The following HIF3A variants were observed in gnomAD, a reference collection of about 807,000 sequenced individuals.
HIF3A encodes the protein hypoxia-inducible factor 3-alpha.
HIF3A carries 41 observed loss-of-function variants against 67.2 expected under a neutral mutation model. The observed-to-expected ratio is 0.61, with a 90% CI of 0.48 to 0.79. HIF3A has a LOEUF of 0.79. HIF3A is among the 30% of genes least tolerant of loss of function. The pLI, the probability that HIF3A is intolerant of heterozygous loss-of-function variation, is 0.00. For missense variants in HIF3A, 855 were observed against 898.0 expected (o/e 0.95, Z 0.61); for synonymous variants, 356 against 374.8 (o/e 0.95, Z 0.58).
At chr19:46,309,077 A>C in intron 5 of HIF3A, 74 bp from the exon 6 acceptor site, 1 of 1,263,578 alleles carries the variant, frequency 7.9e-7, no homozygotes, top group African/African-American at 1.5e-5. Context: ...GGCCCTCAGG[A>C]CGCATCTTCC....
chr19:46,315,095 GA>G (rs1172429650), intron 8 of HIF3A, among the ~76,000 whole-genome samples: 5 of 68,716 alleles, frequency 7.3e-5, no homozygotes, highest in South Asian at 1.1e-3. Context: ...TTTTGAGACA[GA>G]GTCTCATTCT....
At chr19:46,339,158 C>T (rs1161312658) in intron 14 of HIF3A, among the ~76,000 whole-genome samples, 1 of 152,122 alleles carries the variant, frequency 6.6e-6, no homozygotes, top group Non-Finnish European at 1.5e-5. Flanking sequence ...TCATCACAGA[C>T]ACCCCTTCCC....
chr19:46,330,485 TGGAG>T (rs1568542375), intron 12 of HIF3A, among the ~76,000 whole-genome samples: 1 of 150,588 alleles, frequency 6.6e-6, no homozygotes, highest in African/African-American at 2.5e-5. Flanking sequence ...ATCGGATGGA[TGGAG>T]GGATGGATGG....
chr19:46,325,533 A>G lies in HIF3A; in HGVS notation c.1336-2A>G. The stretch of plus-strand genomic sequence containing the variant: ...TGAAGTTTCTACTCCATCTCTCCAC[A>G]GGCTGATCTCCCAGATGAACTACCT... On this transcript the variant is annotated splice_acceptor_variant, in intron 10 of 14. Transcript: ENST00000377670. LOFTEE classifies it high-confidence loss of function. 1.2e-6 allele frequency: 2 copies of G among 1,609,368 alleles called. 1 individual carries two copies. The highest frequency in any genetic ancestry group is 2.2e-5 in the South Asian group (2 of 90,988).
intron 2 of HIF3A, 149 bp downstream of exon 2, chr19:46,304,237 TG>T: frequency 1.5e-6 from 1 of 648,468 alleles, no homozygotes; most frequent in East Asian, 2.8e-5. Context: ...CCCACCCCCC[TG>T]GAATCGACTT....
At chr19:46,313,120 A>T in intron 8 of HIF3A, 1 of 564,036 alleles carries the variant, frequency 1.8e-6, no homozygotes, top group Non-Finnish European at 2.2e-6. Flanking sequence ...GTGTGGTGAC[A>T]CATGCCTGTA....
intron 10 of HIF3A, among the ~76,000 whole-genome samples, chr19:46,323,208 G>A (rs906507577): frequency 6.6e-6 from 1 of 151,882 alleles, no homozygotes; most frequent in East Asian, 1.9e-4. Flanking sequence ...ACACTACCAC[G>A]CCCAGTTAAT....
At chr19:46,303,650 C>T (rs372511590) in intron 1 of HIF3A, 14 of 1,584,844 alleles carry the variant, frequency 8.8e-6, no homozygotes, top group Non-Finnish European at 1.1e-5. Context: ...CAGAGAGGAG[C>T]GAGGCGCCAG....
intron 13 of HIF3A, 134 bp downstream of exon 13, chr19:46,331,407 G>A: frequency 3.7e-6 from 2 of 547,164 alleles, no homozygotes; most frequent in South Asian, 1.9e-5. Context: ...GGCCAGCTGA[G>A]ACTAAAGCCT....
Position 46,330,757 on chromosome 19 carries a change from T to G in HIF3A, c.1713-399T>G, listed in dbSNP as rs1229370115. 2.1e-5 allele frequency among the ~76,000 whole-genome samples: 3 copies of G among 141,632 alleles called. No homozygotes were observed. The East Asian group carries it at 6.4e-4, about 30-fold the overall frequency. The allele number at this position is 141,632 out of a possible 152,430, so 92.9% of individuals were successfully genotyped here. A position where few individuals can be genotyped will look rare whatever the true frequency, so the allele number is the denominator to read the frequency against. ...GATGGATGGCAGATGGGATGGCAGA[T>G]GGATGGATGGGTGGATCAGTGGATG... On this transcript the variant is annotated intron_variant, in intron 12 of 14. Coordinates refer to ENST00000377670, the MANE Select transcript of HIF3A (RefSeq NM_152795.4).
chr19:46,322,936 T>C (rs1377912013), intron 10 of HIF3A, among the ~76,000 whole-genome samples: 2 of 152,188 alleles, frequency 1.3e-5, no homozygotes, highest in East Asian at 3.9e-4. Flanking sequence ...ATGGGTCAGC[T>C]ATCTGGAAGC....
At chr19:46,298,215 T>TCCTCCCC in intron 1 of HIF3A, 1 of 273,772 alleles carries the variant, frequency 3.7e-6, no homozygotes, top group Non-Finnish European at 7.2e-6. Context: ...ACCGCCCCCA[T>TCCTCCCC]CCTCTCCCCT....
At chr19:46,337,816 G>A (rs922284986) in intron 14 of HIF3A, among the ~76,000 whole-genome samples, 4 of 152,082 alleles carry the variant, frequency 2.6e-5, no homozygotes, top group South Asian at 2.1e-4. Flanking sequence ...AACTTCATAC[G>A]CTCATGGTTT....
At chr19:46,328,388 C>T (rs114775984) in intron 11 of HIF3A, among the ~76,000 whole-genome samples, 202 of 152,290 alleles carry the variant, frequency 1.3e-3, no homozygotes, top group Middle Eastern at 0.01. Flanking sequence ...TCAAAACCTT[C>T]AAGTACTATC....
chr19:46,318,411 G>A (rs2110580), intron 8 of HIF3A, among the ~76,000 whole-genome samples: 116,862 of 150,762 alleles, frequency 0.78, 46,826 homozygotes, highest in Non-Finnish European at 0.87. Context: ...TTAACCCAGC[G>A]TGGTGGCATA....
rs147999242 is a variant in HIF3A at position 46,299,399 on chromosome 19, C to T, written c.26+2297C>T. On this transcript the variant is annotated intron_variant, in intron 1 of 14. Transcript: ENST00000377670. ...GGTGTGGAATTGTGTCAGTGACTGCCGCTCTGAGCCTCACTTTCAGATCCT... is the reference window on the plus strand; with the variant it reads ...GGTGTGGAATTGTGTCAGTGACTGCTGCTCTGAGCCTCACTTTCAGATCCT... 3.4e-3 allele frequency among the ~76,000 whole-genome samples: 521 copies of T among 152,342 alleles called. 7 individuals carry two copies. The highest frequency in any genetic ancestry group is 0.012 in the African/African-American group (499 of 41,586).
chr19:46,312,691 C>A, intron 8 of HIF3A, 38 bp downstream of exon 8: 2 of 1,524,546 alleles, frequency 1.3e-6, no homozygotes, highest in Non-Finnish European at 8.8e-7. Flanking sequence ...TGTGTGTGGG[C>A]CTGATCTGCA....
rs751048601 is a variant in HIF3A, at chr19:46,297,062, G to C, written c.-15G>C. ...TAGGGGCCTCCGAGGGCTCCGGAGC[G>C]GCGACTGGCGAGCCATGGCGCTGGG... On this transcript the variant is annotated 5_prime_UTR_variant, in exon 1 of 15. Coordinates refer to ENST00000377670, the MANE Select transcript of HIF3A (RefSeq NM_152795.4). The surrounding 1 kb of genome is among the most constrained non-coding windows in gnomAD (Gnocchi z 4.5). 1.5e-6 allele frequency: 2 copies of C among 1,306,194 alleles called. No homozygotes were observed. Among genetic ancestry groups the C allele is most frequent in the South Asian group, 3.2e-5 (1 of 31,328 alleles). The allele number at this position is 1,306,194 out of a possible 1,614,324, so 80.9% of individuals were successfully genotyped here. A position where few individuals can be genotyped will look rare whatever the true frequency, so the allele number is the denominator to read the frequency against.
chr19:46,319,359 C>T (rs1460165757), intron 8 of HIF3A, among the ~76,000 whole-genome samples: 1 of 152,124 alleles, frequency 6.6e-6, no homozygotes, highest in Non-Finnish European at 1.5e-5. Context: ...CCAGGCCCAC[C>T]TGCCTCCTGT....
Sources: gnomAD v4.1 joint callset for allele counts (sites outside exome capture counted in the v4.1 genomes callset) on GRCh38, gnomAD v4.1.1 for gene constraint, Gnocchi (gnomAD v3.1) non-coding constraint, MANE v1.5 for transcripts, NCBI Gene and HGNC (gene_info 2026-07-23, HGNC 2026-07-21) for gene names.